The following DLGAP5 variants were observed in gnomAD, a reference collection of about 807,000 sequenced individuals.
DLGAP5 encodes the protein DLG associated protein 5.
A neutral mutation model predicts 99.6 loss-of-function variants in DLGAP5; 90 were observed. The observed-to-expected ratio is 0.90, with a 90% CI of 0.76 to 1.08. The LOEUF is 1.08. Among genes scored for constraint, DLGAP5 ranks in the 50% least tolerant of loss-of-function variants. DLGAP5 has a pLI of 0.00. For missense variants in DLGAP5, 1,036 were observed against 983.5 expected (o/e 1.05, Z -0.71); for synonymous variants, 311 against 321.3 (o/e 0.97, Z 0.34).
At position 55,163,033 on chromosome 14, in the gene DLGAP5, CAA is replaced by C. The variant is rs750390845; in HGVS notation, c.1589_1590del (p.Leu530ArgfsTer9). The C allele has an allele frequency of 1.9e-6, 3 of 1,600,338 alleles. No individual in the cohort carries two copies. In the African/African-American group the frequency reaches 4.0e-5, roughly 21 times the overall value. On this transcript the variant is annotated frameshift_variant, in exon 13 of 19. Transcript: ENST00000247191. LOFTEE classifies it high-confidence loss of function. ...TTATTGACTTGCCACCCAGATTCCT[CAA>C]GTTTGATCAGATTGTTGAATTTGTG... is the stretch of plus-strand genomic sequence containing the variant. ...VIHKFNNLIK[L>X]EESGWQVNNN... is the part of the protein sequence containing the mutation.
intron 10 of DLGAP5, among the ~76,000 whole-genome samples, chr14:55,174,204 T>A (rs1240169827): frequency 2.6e-5 from 4 of 152,198 alleles, no homozygotes; most frequent in African/African-American, 9.7e-5. Context: ...CTGTCGAAAC[T>A]GCAGGGGTGA....
intron 12 of DLGAP5, among the ~76,000 whole-genome samples, chr14:55,165,723 A>G (rs1488041121): frequency 6.6e-6 from 1 of 152,222 alleles, no homozygotes; most frequent in South Asian, 2.1e-4. Context: ...TTTCATTTAT[A>G]AATTAAGCAT....
chr14:55,182,966 T>C (rs749256196), intron 3 of DLGAP5, among the ~76,000 whole-genome samples: 33 of 152,208 alleles, frequency 2.2e-4, no homozygotes, highest in Non-Finnish European at 4.1e-4. Flanking sequence ...AAAAAGGTTA[T>C]TAACATGCAC....
At position 55,177,759 on chromosome 14, in the gene DLGAP5, A is replaced by G. The variant is rs900627025; in HGVS notation, c.775-423T>C. 9.3e-5 allele frequency among the ~76,000 whole-genome samples: 14 copies of G among 151,142 alleles called. No individual in the cohort carries two copies. The East Asian group carries it at 1.4e-3, about 15-fold the overall frequency. ...TCGCTGTGTTAGCCAGGATGGTCTC[A>G]ATCTCCTGACCTCGTCATCCGCCCG... On this transcript the variant is annotated intron_variant, in intron 7 of 18. Coordinates refer to ENST00000247191, the MANE Select transcript of DLGAP5 (RefSeq NM_014750.5).
rs573562142 is a variant in DLGAP5, at chr14:55,175,392, T to A, written c.1255A>T (p.Asn419Tyr). Residue 419 changes from asparagine (N) to tyrosine (Y), a missense_variant, in exon 10 of 19, where the codon AAT becomes TAT. By Grantham distance (143) the Asn-to-Tyr change is moderately radical. Transcript: ENST00000247191. ...TGGGGCTGAGCAATTCGACCTTCAT[T>A]TCTTTCAAGTGATGGGACTTCTTTT... ...PIKEVPSLER[N>Y]EGRIAQPHHG... 3 of 1,608,768 alleles carry A rather than the reference T, an allele frequency of 1.9e-6. No homozygotes were observed. The highest frequency in any genetic ancestry group is 2.5e-6 in the Non-Finnish European group (3 of 1,177,568).
Position 55,148,243 on chromosome 14 carries a change from A to G in DLGAP5, c.*108T>C. On this transcript the variant is annotated 3_prime_UTR_variant, in exon 19 of 19. Transcript: ENST00000247191. ...GATGAACACAGAATATTAAAACATTATATGCTATAGAAGTGAACACAAATA... is the reference window on the plus strand; with the variant it reads ...GATGAACACAGAATATTAAAACATTGTATGCTATAGAAGTGAACACAAATA... 2.7e-6 allele frequency: 3 copies of G among 1,095,720 alleles called. No individual in the cohort carries two copies. Among genetic ancestry groups the G allele is most frequent in the South Asian group, 3.2e-5 (2 of 62,736 alleles). The allele number at this position is 1,095,720 out of a possible 1,614,324, so 67.9% of individuals were successfully genotyped here.
chr14:55,172,808 C>G (rs556763264), intron 10 of DLGAP5, among the ~76,000 whole-genome samples: 2 of 151,498 alleles, frequency 1.3e-5, no homozygotes, highest in East Asian at 3.9e-4. Context: ...ATGGTGAAAC[C>G]CCGTCTCTAC....
At position 55,176,038 on chromosome 14, in the gene DLGAP5, T is replaced by G; in HGVS notation, c.1050-20A>C. ...TCATCACTAAAAACAATAGCAAAAA[T>G]ATACTTCATGAAACATGAACTCCAT... On this transcript the variant is annotated intron_variant, in intron 8 of 18. Coordinates refer to ENST00000247191, the MANE Select transcript of DLGAP5 (RefSeq NM_014750.5). 1 of 1,592,948 alleles carries G rather than the reference T, an allele frequency of 6.3e-7. No homozygotes were observed. The highest frequency in any genetic ancestry group is 8.6e-7 in the Non-Finnish European group (1 of 1,169,106).
In DLGAP5 at chr14:55,183,624, T is replaced by C; in HGVS notation, c.368A>G (p.Tyr123Cys). The C allele has an allele frequency of 1.2e-6, 2 of 1,610,138 alleles. No individual in the cohort carries two copies. Among genetic ancestry groups the C allele is most frequent in the Non-Finnish European group, 8.5e-7 (1 of 1,179,016 alleles). Reference sequence around the variant, plus strand: ...AAGAAAACAAGGCATATCAGGTCTATAACGACCCACTTTAAATATTCCTCG... The same window carrying C: ...AAGAAAACAAGGCATATCAGGTCTACAACGACCCACTTTAAATATTCCTCG... ...AKRGIFKVGRYRPDMPCFLLS... is the reference protein window; with the variant it reads ...AKRGIFKVGRCRPDMPCFLLS... The change falls in exon 3 of 19, where the codon TAT (tyrosine) becomes TGT (cysteine). Residue 123 changes from tyrosine to cysteine, a missense_variant. Physicochemically the swap from Tyr to Cys is radical, Grantham distance 194. Coordinates refer to ENST00000247191, the MANE Select transcript of DLGAP5 (RefSeq NM_014750.5).
intron 18 of DLGAP5, 30 bp downstream of exon 18, chr14:55,150,769 T>C: frequency 6.6e-7 from 1 of 1,517,062 alleles, no homozygotes; most frequent in Non-Finnish European, 8.9e-7. Flanking sequence ...ATCTAGAATA[T>C]AAAGGGACTT....
At chr14:55,173,603 C>CTCTATATA (rs1334648919) in intron 10 of DLGAP5, among the ~76,000 whole-genome samples, 8 of 148,464 alleles carry the variant, frequency 5.4e-5, no homozygotes, top group African/African-American at 1.8e-4. Flanking sequence ...CTCTCTCTCT[C>CTCTATATA]TATATATATA....
chr14:55,170,889 G>A lies in DLGAP5; in HGVS notation c.1302-102C>T, dbSNP rs569607936. 1.7e-5 allele frequency: 13 copies of A among 782,908 alleles called. No homozygotes were observed. The African/African-American group carries it at 1.9e-4, about 11-fold the overall frequency. The allele number at this position is 782,908 out of a possible 1,614,324, so 48.5% of individuals were successfully genotyped here. ...ACATAACATTAGGAAGTTATAAAAG[G>A]GAGCCACAATATTTTCCCAAAGTTG... On this transcript the variant is annotated intron_variant, in intron 10 of 18. Transcript: ENST00000247191.
chr14:55,150,603 G>A (rs962891133), intron 18 of DLGAP5, 196 bp downstream of exon 18: 5 of 373,480 alleles, frequency 1.3e-5, no homozygotes, highest in East Asian at 9.8e-5. Flanking sequence ...CATATCTTCA[G>A]GGTTAATATT....
In DLGAP5 at chr14:55,176,027, A is replaced by C; in HGVS notation, c.1050-9T>G. 1 of 1,596,348 alleles carries C rather than the reference A, an allele frequency of 6.3e-7. No individual in the cohort carries two copies. The highest frequency in any genetic ancestry group is 8.5e-7 in the Non-Finnish European group (1 of 1,170,864). On this transcript the variant is annotated splice_polypyrimidine_tract_variant and intron_variant, in intron 8 of 18. Coordinates refer to ENST00000247191, the MANE Select transcript of DLGAP5 (RefSeq NM_014750.5). ...TTGCTTGAGACTCATCACTAAAAAC[A>C]ATAGCAAAAATATACTTCATGAAAC...
intron 17 of DLGAP5, 58 bp from the exon 18 acceptor site, chr14:55,150,906 G>A: frequency 1.7e-6 from 2 of 1,169,076 alleles, no homozygotes; most frequent in Non-Finnish European, 2.4e-6. Context: ...AGGGCTGTTA[G>A]AAATGGACAA....
Position 55,177,203 on chromosome 14 carries a change from CCTTTT to C in DLGAP5, c.903_907del (p.Ile301MetfsTer8), listed in dbSNP as rs1269182747. The C allele has an allele frequency of 1.9e-6, 3 of 1,613,326 alleles. No individual in the cohort carries two copies. Among genetic ancestry groups the C allele is most frequent in the Admixed American group, 3.3e-5 (2 of 59,882 alleles). Reference sequence around the variant, plus strand: ...ATCCTTAGGTGCAAAGGAATTCTTCCCTTTTATTTTTGCAGTATTTATCTCAGGTA... The same window carrying C: ...ATCCTTAGGTGCAAAGGAATTCTTCCATTTTTGCAGTATTTATCTCAGGTA... On this transcript the variant is annotated frameshift_variant, in exon 8 of 19. Transcript: ENST00000247191. LOFTEE classifies it high-confidence loss of function.
At position 55,154,723 on chromosome 14, in the gene DLGAP5, C is replaced by T; in HGVS notation, c.1957G>A (p.Glu653Lys). ...GTAGTTTGTTGTGGAATGCCCATCT[C>T]ATTTCTACTCTGAGATACAGCTTTG... ...VNKAVSQSRN[E>K]MGIPQQTTSP... Residue 653 changes from glutamate to lysine, a missense_variant, in exon 15 of 19, where the codon GAG (glutamate) becomes AAG (lysine). Glu to Lys is a moderately conservative substitution (Grantham distance 56). Transcript: ENST00000247191. 1 of 1,614,162 alleles carries T rather than the reference C, an allele frequency of 6.2e-7. No individual in the cohort carries two copies.
At chr14:55,154,492 A>G (rs1362786273) in intron 15 of DLGAP5, 125 bp downstream of exon 15, 1 of 762,996 alleles carries the variant, frequency 1.3e-6, no homozygotes, top group Non-Finnish European at 2.1e-6. Flanking sequence ...TACTGCCTAT[A>G]TGTTGCAGGG....
At chr14:55,169,322 C>A in intron 12 of DLGAP5, 77 bp downstream of exon 12, 2 of 1,038,342 alleles carry the variant, frequency 1.9e-6, no homozygotes, top group Non-Finnish European at 2.6e-6. Context: ...CTACTATTAC[C>A]CCATTTTACT....
Sources: gnomAD v4.1 joint callset for allele counts (sites outside exome capture counted in the v4.1 genomes callset) on GRCh38, gnomAD v4.1.1 for gene constraint, MANE v1.5 for transcripts, NCBI Gene and HGNC (gene_info 2026-07-23, HGNC 2026-07-21) for gene names.